Variants in SRGAP3 observed in about 807,000 individuals in gnomAD.
The protein encoded by SRGAP3 is SLIT-ROBO Rho GTPase activating protein 3, also known as SLIT-ROBO Rho GTPase-activating protein 3.
A neutral mutation model predicts 121.1 loss-of-function variants in SRGAP3; 39 were observed. The observed-to-expected ratio is 0.32, with a 90% CI of 0.25 to 0.42. The LOEUF (loss-of-function observed/expected upper bound fraction) is 0.42, where lower values mean the gene tolerates loss of function less well. Ranked by LOEUF, SRGAP3 falls within the 10% of genes least tolerant of loss-of-function variation. The pLI is 1.00. For synonymous variants in SRGAP3, 601 were observed against 570.0 expected (o/e 1.05, Z -0.77); for missense variants, 1,213 against 1,470.6 (o/e 0.82, Z 2.86).
chr3:9,221,827 C>T (rs377707478), intron 1 of SRGAP3, among the ~76,000 whole-genome samples: 1 of 152,216 alleles, frequency 6.6e-6, no homozygotes, highest in African/African-American at 2.4e-5. Context: ...TATTTAGTAT[C>T]TTTTCCACTG....
chr3:9,069,775 T>C (rs969820656), intron 4 of SRGAP3, among the ~76,000 whole-genome samples: 26 of 152,050 alleles, frequency 1.7e-4, no homozygotes, highest in Admixed American at 9.8e-4. Flanking sequence ...AGTGAAACCC[T>C]GTCTCTACTA....
At chr3:9,056,192 T>A in intron 8 of SRGAP3, 41 bp downstream of exon 8, 1 of 1,604,712 alleles carries the variant, frequency 6.2e-7, no homozygotes, top group Non-Finnish European at 8.5e-7. Context: ...AAGCCAGGCC[T>A]TCCAAAGAAA....
At chr3:9,169,705 T>C (rs1385036414) in intron 1 of SRGAP3, among the ~76,000 whole-genome samples, 1 of 152,240 alleles carries the variant, frequency 6.6e-6, no homozygotes, top group African/African-American at 2.4e-5. Context: ...TGACAATGGC[T>C]TTGAATTAAC....
Position 8,994,396 on chromosome 3 carries a change from C to G in SRGAP3, c.2355G>C (p.Arg785=), listed in dbSNP as rs1296300988. The change falls in exon 19 of 22, where the codon CGG becomes CGC. Residue 785 remains arginine, a synonymous_variant. Coordinates refer to ENST00000383836, the MANE Select transcript of SRGAP3 (RefSeq NM_014850.4). ...GGATGAGTCCATCCACGCCGTTGTG[C>G]CGGCCCTCCCACCAGTCCTCCGAGG... ...HRASEDWWEG[R]HNGVDGLIPH... is the part of the protein sequence containing the mutation. 1 of 1,614,216 alleles carries G rather than the reference C, an allele frequency of 6.2e-7. No homozygotes were observed. Among genetic ancestry groups the G allele is most frequent in the South Asian group, 1.1e-5 (1 of 91,088 alleles).
At chr3:9,242,763 C>T (rs1481068982) in intron 1 of SRGAP3, among the ~76,000 whole-genome samples, 4 of 152,222 alleles carry the variant, frequency 2.6e-5, no homozygotes, top group Non-Finnish European at 4.4e-5. Flanking sequence ...TGGCTGACTG[C>T]AGCCTTGAAC....
intron 2 of SRGAP3, among the ~76,000 whole-genome samples, chr3:9,111,616 G>T (rs557596401): frequency 3.9e-5 from 6 of 152,290 alleles, no homozygotes; most frequent in African/African-American, 1.4e-4. Flanking sequence ...CACGAGGGCC[G>T]CAGACCGCAG....
At chr3:9,149,838 G>A (rs901296142) in intron 1 of SRGAP3, among the ~76,000 whole-genome samples, 2 of 152,146 alleles carry the variant, frequency 1.3e-5, no homozygotes, top group African/African-American at 4.8e-5. Flanking sequence ...ACAATTCTAC[G>A]GCAGTAGCTA....
chr3:9,156,418 T>A (rs1351457837), intron 1 of SRGAP3, among the ~76,000 whole-genome samples: 2 of 152,232 alleles, frequency 1.3e-5, no homozygotes, highest in African/African-American at 4.8e-5. Context: ...AGCTCCGGGC[T>A]TAAATCCCAT....
At chr3:9,041,013 T>C (rs1423614658) in intron 10 of SRGAP3, among the ~76,000 whole-genome samples, 1 of 152,230 alleles carries the variant, frequency 6.6e-6, no homozygotes, top group Non-Finnish European at 1.5e-5. Context: ...GCTCAACAAA[T>C]ATTTGTAGAA....
intron 2 of SRGAP3, among the ~76,000 whole-genome samples, chr3:9,112,193 T>C (rs569776125): frequency 2.0e-4 from 31 of 152,344 alleles, no homozygotes; most frequent in Admixed American, 1.4e-3. Flanking sequence ...CCAAAGCCAC[T>C]GCCCTGGGAT....
intron 1 of SRGAP3, among the ~76,000 whole-genome samples, chr3:9,340,683 G>T (rs917597713): frequency 1.3e-5 from 2 of 152,128 alleles, no homozygotes; most frequent in Non-Finnish European, 2.9e-5. Flanking sequence ...TTGCTGGGAA[G>T]ATCTAGAAAC....
intron 1 of SRGAP3, among the ~76,000 whole-genome samples, chr3:9,159,609 A>G (rs1950539692): frequency 6.6e-6 from 1 of 152,140 alleles, no homozygotes; most frequent in Admixed American, 6.6e-5. Flanking sequence ...ATCCCATGAC[A>G]CACAGTTTAC....
At chr3:9,217,415 C>G (rs1952672949) in intron 1 of SRGAP3, 1 of 152,146 alleles carries the variant, frequency 6.6e-6, no homozygotes, top group Non-Finnish European at 1.5e-5. Flanking sequence ...GGGGGCACGT[C>G]AAATTCTGAT....
chr3:9,128,057 T>TA (rs111436336), intron 1 of SRGAP3, among the ~76,000 whole-genome samples: 22,777 of 146,844 alleles, frequency 0.16, 1,866 homozygotes, highest in African/African-American at 0.22. Flanking sequence ...TTAAAAAAGC[T>TA]AAAAAAAAAA....
intron 2 of SRGAP3, among the ~76,000 whole-genome samples, chr3:9,123,372 AAT>A (rs57048735): frequency 1.7e-5 from 1 of 58,286 alleles, no homozygotes. Context: ...ACAATTAAAA[AAT>A]ATATATATAT....
intron 3 of SRGAP3, among the ~76,000 whole-genome samples, chr3:9,291,936 G>C (rs980263273): frequency 1.1e-4 from 17 of 152,124 alleles, no homozygotes; most frequent in African/African-American, 3.6e-4. Context: ...AAACTAAATA[G>C]AGCCTCTTCT....
At chr3:9,305,083 A>G (rs1188229287) in intron 3 of SRGAP3, among the ~76,000 whole-genome samples, 1 of 152,210 alleles carries the variant, frequency 6.6e-6, no homozygotes, top group Non-Finnish European at 1.5e-5. Context: ...AAAATTAGAC[A>G]TACAAAAGAC....
At chr3:9,342,154 G>A (rs1400764022) in intron 1 of SRGAP3, among the ~76,000 whole-genome samples, 1 of 152,018 alleles carries the variant, frequency 6.6e-6, no homozygotes, top group Non-Finnish European at 1.5e-5. Flanking sequence ...AGTTGGAGAC[G>A]AGTCTGGCCA....
intron 1 of SRGAP3, among the ~76,000 whole-genome samples, chr3:9,134,553 G>C (rs1269647779): frequency 1.1e-4 from 16 of 152,086 alleles, no homozygotes. Context: ...GATTCAGGGA[G>C]GGGAAATGGC....
Sources: allele counts gnomAD v4.1 joint callset (sites outside exome capture counted in the v4.1 genomes callset), GRCh38; gene constraint gnomAD v4.1.1; transcripts MANE v1.5; gene names NCBI Gene and HGNC (gene_info 2026-07-23, HGNC 2026-07-21).